The following CDH18 variants were observed in gnomAD, a reference collection of about 807,000 sequenced individuals.
The protein encoded by CDH18 is cadherin-18.
A neutral mutation model predicts 67.9 loss-of-function variants in CDH18; 31 were observed. That is an observed-to-expected ratio of 0.46 (90% CI 0.34 to 0.62). The LOEUF (loss-of-function observed/expected upper bound fraction) is 0.62. Ranked by LOEUF, CDH18 falls within the 20% of genes least tolerant of loss-of-function variation. The pLI, the probability that CDH18 is intolerant of heterozygous loss-of-function variation, is 0.01. For missense variants in CDH18, 890 were observed against 975.5 expected, an observed-to-expected ratio of 0.91 and a Z score of 1.17; for synonymous variants, 362 against 347.2, an observed-to-expected ratio of 1.04 and a Z score of -0.48.
rs188692960 is a variant in CDH18, at chr5:19,917,329, T to A, written c.-257+63731A>T. Reference sequence around the variant, plus strand: ...TTACGTTCTCCTCCTGTTCTCAATTTTTTCTTTCCCCCCCCGCCCCCTTTT... The same window carrying A: ...TTACGTTCTCCTCCTGTTCTCAATTATTTCTTTCCCCCCCCGCCCCCTTTT... On this transcript the variant is annotated intron_variant, in intron 2 of 12. Transcript: ENST00000382275. Among the ~76,000 whole-genome samples the A allele has an allele frequency of 3.3e-4, 50 of 150,848 alleles. No individual in the cohort carries two copies. The East Asian group carries it at 8.9e-3, about 27-fold the overall frequency.
At chr5:19,719,900 C>T (rs943044002) in intron 5 of CDH18, among the ~76,000 whole-genome samples, 6 of 76,478 alleles carry the variant, frequency 7.8e-5, no homozygotes, top group Admixed American at 1.4e-4. Context: ...AAGAGTTAAG[C>T]AAGAGAAAGA....
intron 3 of CDH18, among the ~76,000 whole-genome samples, chr5:19,750,834 C>T (rs1770748922): frequency 1.4e-5 from 2 of 146,592 alleles, no homozygotes; most frequent in Admixed American, 1.4e-4. Flanking sequence ...AATGTAACAC[C>T]TCATATATAC....
intron 12 of CDH18, among the ~76,000 whole-genome samples, chr5:19,482,463 A>T (rs981670139): frequency 3.3e-5 from 5 of 152,226 alleles, no homozygotes; most frequent in African/African-American, 1.2e-4. Context: ...ATAAAATTTA[A>T]TATCCCTCTA....
intron 1 of CDH18, among the ~76,000 whole-genome samples, chr5:20,521,273 C>G (rs187527583): frequency 6.6e-6 from 1 of 151,752 alleles, no homozygotes; most frequent in African/African-American, 2.4e-5. Context: ...TTTGGGGAGG[C>G]GAGGCAAGTC....
intron 1 of CDH18, among the ~76,000 whole-genome samples, chr5:20,535,297 G>A (rs1756649319): frequency 6.6e-6 from 1 of 152,032 alleles, no homozygotes; most frequent in Non-Finnish European, 1.5e-5. Flanking sequence ...TTGGCTCATA[G>A]CCACCTTGCT....
At chr5:20,023,307 A>G (rs553213535) in intron 2 of CDH18, among the ~76,000 whole-genome samples, 2 of 152,302 alleles carry the variant, frequency 1.3e-5, no homozygotes, top group Admixed American at 6.5e-5. Flanking sequence ...TGTGTCTAAT[A>G]GTACCTGTTC....
chr5:20,106,443 T>C (rs1746943972), intron 2 of CDH18, among the ~76,000 whole-genome samples: 1 of 152,208 alleles, frequency 6.6e-6, no homozygotes, highest in Non-Finnish European at 1.5e-5. Flanking sequence ...CCTTCACAGA[T>C]TCACAGGTGC....
chr5:19,991,651 T>G (rs566409490), upstream of CDH18, among the ~76,000 whole-genome samples: 25 of 152,142 alleles, frequency 1.6e-4, no homozygotes, highest in Non-Finnish European at 2.8e-4. Flanking sequence ...CTCTATACTA[T>G]GAAAGATGAT....
rs1228958718 is a variant in CDH18 at position 20,008,063 on chromosome 5, A to G, written c.-517-16049T>C. ...AGTTTCTCAATATGTAGCCTATCAC[A>G]TCAATTCACTAGGCCAACCTCGATC... On this transcript the variant is annotated intron_variant, in intron 2 of 14. Coordinates refer to the CDH18 transcript ENST00000507958. 3.3e-5 allele frequency among the ~76,000 whole-genome samples: 5 copies of G among 152,054 alleles called. No individual in the cohort carries two copies. The East Asian group carries it at 9.7e-4, about 29-fold the overall frequency.
chr5:20,505,028 A>G (rs1027247269), intron 1 of CDH18, among the ~76,000 whole-genome samples: 2 of 152,140 alleles, frequency 1.3e-5, no homozygotes, highest in South Asian at 4.1e-4. Context: ...CGGCCTCCCA[A>G]AGTGCTGGGA....
At chr5:19,890,250 C>T (rs1293211375) in intron 2 of CDH18, among the ~76,000 whole-genome samples, 1 of 152,088 alleles carries the variant, frequency 6.6e-6, no homozygotes, top group African/African-American at 2.4e-5. Context: ...TCACACTCCA[C>T]CTTCCTGGAC....
At chr5:19,497,421 C>T (rs1742527395) in intron 11 of CDH18, among the ~76,000 whole-genome samples, 1 of 152,120 alleles carries the variant, frequency 6.6e-6, no homozygotes, top group Admixed American at 6.6e-5. Context: ...ATTCCCAGCA[C>T]ATGTCACAGT....
chr5:20,140,775 C>T (rs1267285649), intron 2 of CDH18, among the ~76,000 whole-genome samples: 4 of 152,040 alleles, frequency 2.6e-5, no homozygotes, highest in Non-Finnish European at 4.4e-5. Flanking sequence ...CTTTCCATCT[C>T]AGAGCTAAAT....
At chr5:20,053,938 C>T (rs960305607) in intron 2 of CDH18, among the ~76,000 whole-genome samples, 1 of 152,012 alleles carries the variant, frequency 6.6e-6, no homozygotes, top group Non-Finnish European at 1.5e-5. Flanking sequence ...CCTGTGGAAC[C>T]CTTTGCTAAG....
At chr5:20,546,154 T>C (rs1298967584) in intron 1 of CDH18, among the ~76,000 whole-genome samples, 1 of 152,168 alleles carries the variant, frequency 6.6e-6, no homozygotes, top group Non-Finnish European at 1.5e-5. Context: ...AATCTCCATC[T>C]GAGACCACCT....
intron 5 of CDH18, among the ~76,000 whole-genome samples, chr5:19,628,480 T>C (rs1751891328): frequency 6.6e-6 from 1 of 152,110 alleles, no homozygotes. Context: ...TAAAGTTAGT[T>C]AAAATAGAAG....
chr5:20,181,218 T>C (rs532235553), intron 2 of CDH18, among the ~76,000 whole-genome samples: 2 of 152,274 alleles, frequency 1.3e-5, no homozygotes, highest in South Asian at 4.1e-4. Context: ...TCCTCCCATA[T>C]TTTTGGGGGC....
At chr5:20,552,243 G>A (rs1625760) in intron 1 of CDH18, among the ~76,000 whole-genome samples, 59,869 of 151,354 alleles carry the variant, frequency 0.4, 13,226 homozygotes, top group East Asian at 0.55. Context: ...TCAGGAGACC[G>A]ACATGGGCAG....
chr5:19,980,636 A>C (rs1216263861), intron 2 of CDH18, among the ~76,000 whole-genome samples: 2 of 152,054 alleles, frequency 1.3e-5, no homozygotes, highest in Non-Finnish European at 2.9e-5. Flanking sequence ...TTGAACCCAC[A>C]GGTGTTTGCT....
Sources: gnomAD v4.1 joint callset for allele counts (sites outside exome capture counted in the v4.1 genomes callset) on GRCh38, gnomAD v4.1.1 for gene constraint, MANE v1.5 for transcripts, NCBI Gene and HGNC (gene_info 2026-07-23, HGNC 2026-07-21) for gene names.